Variants in PDE1C observed in about 807,000 individuals in gnomAD.
PDE1C encodes phosphodiesterase 1C, also known as dual specificity calcium/calmodulin-dependent 3',5'-cyclic nucleotide phosphodiesterase 1C.
PDE1C carries 62 observed loss-of-function variants against 93.1 expected under a neutral mutation model. The ratio of observed to expected loss-of-function variants is 0.67; its 90% CI spans 0.54 to 0.82. The LOEUF (loss-of-function observed/expected upper bound fraction) is 0.82, where lower values mean the gene tolerates loss of function less well. PDE1C is among the 40% of genes least tolerant of loss of function. PDE1C has a pLI of 0.00. For synonymous variants in PDE1C, 325 were observed against 310.1 expected, an observed-to-expected ratio of 1.05 and a Z score of -0.50; for missense variants, 742 against 884.6, an observed-to-expected ratio of 0.84 and a Z score of 2.04.
In PDE1C at chr7:32,299,175, T is replaced by G. The variant is rs1185165835; in HGVS notation, c.-440A>C. On this transcript the variant is annotated 5_prime_UTR_variant, in exon 1 of 19. Transcript: ENST00000396193. ...TCCGTCTCTGGTGGCTGGGGGGATTTGGGGACCCAAGGGAATGGCTGAATT... is the reference window on the plus strand; with the variant it reads ...TCCGTCTCTGGTGGCTGGGGGGATTGGGGGACCCAAGGGAATGGCTGAATT... 3.0e-6 allele frequency: 3 copies of G among 997,964 alleles called. No individual in the cohort carries two copies. The East Asian group carries it at 3.3e-4, about 109-fold the overall frequency. The allele number at this position is 997,964 out of a possible 1,614,324, so 61.8% of individuals were successfully genotyped here.
chr7:31,799,417 G>A (rs1239990343), intron 16 of PDE1C, among the ~76,000 whole-genome samples: 4 of 151,606 alleles, frequency 2.6e-5, no homozygotes, highest in African/African-American at 9.7e-5. Context: ...GTGTAAAGTT[G>A]TATTCTTCTG....
intron 1 of PDE1C, among the ~76,000 whole-genome samples, chr7:32,222,469 T>G (rs1806945526): frequency 6.6e-6 from 1 of 152,180 alleles, no homozygotes; most frequent in African/African-American, 2.4e-5. Flanking sequence ...GGAATGGAGA[T>G]GGACCATGCT....
rs573274391 is a variant in PDE1C at position 32,090,703 on chromosome 7, G to C, written c.308+79082C>G. 5.9e-5 allele frequency among the ~76,000 whole-genome samples: 9 copies of C among 152,222 alleles called. 1 individual carries two copies. The East Asian group carries it at 1.7e-3, about 29-fold the overall frequency. On this transcript the variant is annotated intron_variant, in intron 3 of 18. Transcript: ENST00000396193. ...TATCAAGGACACCCTTTAAGAATCT[G>C]ATAAAAGTTACAAACTTTGTCTCTA...
chr7:31,791,420 A>C (rs1386929457), intron 16 of PDE1C, among the ~76,000 whole-genome samples: 1 of 152,138 alleles, frequency 6.6e-6, no homozygotes, highest in Non-Finnish European at 1.5e-5. Flanking sequence ...GGTGAAACAA[A>C]AGCTGAAATC....
At chr7:32,008,193 A>G (rs771767992) in intron 2 of PDE1C, among the ~76,000 whole-genome samples, 2 of 152,172 alleles carry the variant, frequency 1.3e-5, no homozygotes, top group Non-Finnish European at 2.9e-5. Context: ...TGGCATTTGC[A>G]TCAAGCCCCA....
At chr7:31,936,536 T>C (rs946333231) in intron 2 of PDE1C, among the ~76,000 whole-genome samples, 6 of 151,820 alleles carry the variant, frequency 4.0e-5, no homozygotes, top group East Asian at 1.9e-4. Context: ...GACGTGCCAA[T>C]AGCATCCCCC....
At chr7:32,070,579 T>C (rs920868136), upstream of PDE1C, 53 of 1,430,418 alleles carry the variant, frequency 3.7e-5, no homozygotes, top group Non-Finnish European at 4.7e-5. Flanking sequence ...CGGCAAACCA[T>C]GGCCCCAGGT....
chr7:32,316,094 T>C (rs959447084), intron 1 of PDE1C, among the ~76,000 whole-genome samples: 40 of 152,372 alleles, frequency 2.6e-4, no homozygotes, highest in African/African-American at 9.1e-4. Flanking sequence ...CTCACTAGAC[T>C]GTAAACCTCA....
intron 2 of PDE1C, among the ~76,000 whole-genome samples, chr7:31,966,897 T>C (rs533656210): frequency 6.6e-6 from 1 of 152,112 alleles, no homozygotes. Context: ...AATAAAGATG[T>C]TCTTTGAAAC....
intron 1 of PDE1C, among the ~76,000 whole-genome samples, chr7:32,397,396 T>C (rs1024818358): frequency 1.3e-5 from 2 of 152,120 alleles, no homozygotes; most frequent in African/African-American, 4.8e-5. Context: ...ACATATCAGA[T>C]TGACGGAAAT....
chr7:32,163,837 C>A (rs938264290), intron 3 of PDE1C, among the ~76,000 whole-genome samples: 2 of 152,140 alleles, frequency 1.3e-5, no homozygotes, highest in Non-Finnish European at 2.9e-5. Context: ...ATAATCCAGT[C>A]ACAAAAGAAA....
At chr7:31,864,234 T>C (rs1300948181) in intron 7 of PDE1C, among the ~76,000 whole-genome samples, 1 of 152,140 alleles carries the variant, frequency 6.6e-6, no homozygotes, top group Non-Finnish European at 1.5e-5. Flanking sequence ...TGCACGCCCA[T>C]AGTCCCAGCT....
intron 11 of PDE1C, among the ~76,000 whole-genome samples, chr7:31,835,525 GGTGT>G (rs58539780): frequency 0.12 from 17,666 of 145,932 alleles, 1,063 homozygotes; most frequent in East Asian, 0.22. Context: ...GGGGTGCTGC[GGTGT>G]GTGTGTGTGT....
chr7:31,975,354 G>A (rs796187290), intron 2 of PDE1C, among the ~76,000 whole-genome samples: 12 of 152,164 alleles, frequency 7.9e-5, no homozygotes, highest in African/African-American at 2.9e-4. Flanking sequence ...TTCCTTACAG[G>A]TGACAAAAGC....
intron 9 of PDE1C, among the ~76,000 whole-genome samples, chr7:31,847,245 A>G (rs935373534): frequency 6.6e-6 from 1 of 152,276 alleles, no homozygotes; most frequent in African/African-American, 2.4e-5. Context: ...TATTTTCAAG[A>G]AATTAAAATT....
intron 2 of PDE1C, among the ~76,000 whole-genome samples, chr7:32,181,057 T>C (rs1305055804): frequency 6.6e-6 from 1 of 152,308 alleles, no homozygotes; most frequent in African/African-American, 2.4e-5. Flanking sequence ...AACAATCTTG[T>C]ATAGGTCTTA....
At chr7:31,661,294 C>T in the PDE1C span, among the ~76,000 whole-genome samples, 4 of 152,150 alleles carry the variant, frequency 2.6e-5, no homozygotes. Flanking sequence ...ATCATTATAT[C>T]TAGGATATAA....
intron 2 of PDE1C, among the ~76,000 whole-genome samples, chr7:31,952,871 A>G (rs1349724821): frequency 6.6e-6 from 1 of 152,140 alleles, no homozygotes; most frequent in Non-Finnish European, 1.5e-5. Context: ...TTAACAAGAC[A>G]ATGCCAACCA....
intron 2 of PDE1C, among the ~76,000 whole-genome samples, chr7:32,192,489 C>A (rs1031775009): frequency 2.0e-5 from 3 of 152,136 alleles, no homozygotes; most frequent in African/African-American, 7.2e-5. Context: ...TGTCAAAAAT[C>A]AGTTCAGCAT....
Sources: allele counts gnomAD v4.1 joint callset (sites outside exome capture counted in the v4.1 genomes callset), GRCh38; gene constraint gnomAD v4.1.1; transcripts MANE v1.5; gene names NCBI Gene and HGNC (gene_info 2026-07-23, HGNC 2026-07-21).